The following ALOX5 variants were observed in gnomAD, a reference collection of about 807,000 sequenced individuals.
ALOX5 encodes arachidonate 5-lipoxygenase.
A neutral mutation model predicts 87.9 loss-of-function variants in ALOX5; 64 were observed. The ratio of observed to expected loss-of-function variants is 0.73; its 90% CI spans 0.60 to 0.90. The LOEUF is 0.90. Among genes scored for constraint, ALOX5 ranks in the 40% least tolerant of loss-of-function variants. ALOX5 has a pLI of 0.00. For missense variants in ALOX5, 822 were observed against 907.5 expected (o/e 0.91, Z 1.21); for synonymous variants, 388 against 355.1 (o/e 1.09, Z -1.04).
At chr10:45,400,373 G>A (rs1210985084) in intron 3 of ALOX5, among the ~76,000 whole-genome samples, 1 of 152,170 alleles carries the variant, frequency 6.6e-6, no homozygotes, top group Non-Finnish European at 1.5e-5. Flanking sequence ...GTTGAGACGG[G>A]CAGATCACTT....
At chr10:45,390,573 A>G (rs751284892) in intron 2 of ALOX5, among the ~76,000 whole-genome samples, 1 of 152,238 alleles carries the variant, frequency 6.6e-6, no homozygotes, top group African/African-American at 2.4e-5. Context: ...ACACTGAACA[A>G]CCTGCACCTG....
At chr10:45,419,779 G>A (rs1841437863) in intron 4 of ALOX5, among the ~76,000 whole-genome samples, 1 of 152,036 alleles carries the variant, frequency 6.6e-6, no homozygotes, top group Admixed American at 6.5e-5. Flanking sequence ...ATATCCCCCA[G>A]GCAAGGAAGG....
chr10:45,427,171 T>C (rs192695334), intron 6 of ALOX5, among the ~76,000 whole-genome samples: 61 of 152,302 alleles, frequency 4.0e-4, no homozygotes, highest in African/African-American at 1.2e-3. Flanking sequence ...TGGCCCCAAA[T>C]CTCAGGCCTC....
intron 1 of ALOX5, among the ~76,000 whole-genome samples, chr10:45,381,667 G>A (rs1839833918): frequency 6.6e-6 from 1 of 152,214 alleles, no homozygotes; most frequent in South Asian, 2.1e-4. Flanking sequence ...ATGAGCCTGG[G>A]CATCTCCCCA....
intron 1 of ALOX5, among the ~76,000 whole-genome samples, chr10:45,377,707 C>G (rs1163383201): frequency 6.6e-6 from 1 of 152,074 alleles, no homozygotes; most frequent in Admixed American, 6.5e-5. Context: ...AGTCCCCCTC[C>G]AAGATGGGTA....
chr10:45,413,886 T>C (rs1207074280), intron 4 of ALOX5, among the ~76,000 whole-genome samples: 2 of 152,144 alleles, frequency 1.3e-5, no homozygotes, highest in African/African-American at 4.8e-5. Flanking sequence ...TTACAAGGGA[T>C]GTGAAGGACC....
intron 3 of ALOX5, among the ~76,000 whole-genome samples, chr10:45,405,455 ATTG>A (rs1160588834): frequency 6.6e-6 from 1 of 151,896 alleles, no homozygotes; most frequent in Non-Finnish European, 1.5e-5. Context: ...TTTTTTCCCT[ATTG>A]TTCTTTCAAT....
intron 7 of ALOX5, among the ~76,000 whole-genome samples, chr10:45,438,748 C>A (rs769272729): frequency 3.9e-5 from 6 of 152,190 alleles, no homozygotes; most frequent in Non-Finnish European, 8.8e-5. Context: ...GTTCTGAGAC[C>A]TTCTAATTTT....
chr10:45,412,414 G>C, intron 4 of ALOX5, 101 bp downstream of exon 4: 1 of 1,486,756 alleles, frequency 6.7e-7, no homozygotes, highest in Non-Finnish European at 9.1e-7. Context: ...TGGGTTGGGG[G>C]AACAGCCTAG....
intron 4 of ALOX5, among the ~76,000 whole-genome samples, chr10:45,422,265 G>C (rs1477974442): frequency 1.3e-5 from 2 of 152,144 alleles, no homozygotes; most frequent in African/African-American, 4.8e-5. Flanking sequence ...TGTCCCATCA[G>C]CCAGGCTCTC....
intron 2 of ALOX5, among the ~76,000 whole-genome samples, chr10:45,389,021 A>T (rs188233691): frequency 6.6e-6 from 1 of 152,380 alleles, no homozygotes; most frequent in Non-Finnish European, 1.5e-5. Flanking sequence ...GCTGAAAAAC[A>T]TGGCACGAGA....
chr10:45,445,758 T>TGGA lies in ALOX5; in HGVS notation c.*72_*73insGAG. 1 of 1,533,534 alleles carries TGGA rather than the reference T, an allele frequency of 6.5e-7. No homozygotes were observed. Among genetic ancestry groups the TGGA allele is most frequent in the Non-Finnish European group, 8.9e-7 (1 of 1,123,262 alleles). 95.0% of individuals were successfully genotyped at this position (1,533,534 alleles called of 1,614,324 possible). ...ATGGACTCCAGCCTGCCTGGCAGGC[T>TGGA]GTCTGGCCAGGCCTCTTGGCAGTCA... On this transcript the variant is annotated 3_prime_UTR_variant, in exon 14 of 14. Transcript: ENST00000374391.
chr10:45,385,276 A>T (rs763072256), intron 2 of ALOX5, among the ~76,000 whole-genome samples: 4 of 152,036 alleles, frequency 2.6e-5, no homozygotes, highest in Admixed American at 6.5e-5. Context: ...ATATTTCACC[A>T]CTACACCTTG....
intron 12 of ALOX5, 58 bp from the exon 13 acceptor site, chr10:45,444,058 G>A (rs1842347483): frequency 2.7e-6 from 4 of 1,487,524 alleles, no homozygotes; most frequent in African/African-American, 1.4e-5. Flanking sequence ...GGGCCCAGGG[G>A]GCAGCTGGGC....
At chr10:45,411,190 T>C (rs972774191) in intron 3 of ALOX5, among the ~76,000 whole-genome samples, 2 of 152,238 alleles carry the variant, frequency 1.3e-5, no homozygotes, top group African/African-American at 4.8e-5. Flanking sequence ...TAATGAGTGG[T>C]GAGGATGAAC....
At chr10:45,443,994 A>C in intron 12 of ALOX5, 122 bp from the exon 13 acceptor site, 1 of 1,433,110 alleles carries the variant, frequency 7.0e-7, no homozygotes, top group Admixed American at 2.5e-5. Flanking sequence ...GCCGCGGGGA[A>C]AGAGGATGGA....
chr10:45,395,530 C>T (rs546250297), intron 2 of ALOX5, among the ~76,000 whole-genome samples: 1 of 151,930 alleles, frequency 6.6e-6, no homozygotes, highest in African/African-American at 2.4e-5. Context: ...GGGTGCAGCA[C>T]ACCAACATGA....
intron 10 of ALOX5, 85 bp from the exon 11 acceptor site, chr10:45,443,331 C>A (rs1842305355): frequency 1.9e-6 from 3 of 1,584,976 alleles, no homozygotes; most frequent in Non-Finnish European, 2.6e-6. Context: ...GTGGGGGAGT[C>A]CCAGCGTCCG....
chr10:45,395,737 G>A (rs888264531), intron 2 of ALOX5, 118 bp from the exon 3 acceptor site: 4 of 774,584 alleles, frequency 5.2e-6, no homozygotes, highest in Admixed American at 2.2e-5. Context: ...GCTCAAATGA[G>A]GTCATGCACA....
Sources: gnomAD v4.1 joint callset for allele counts (sites outside exome capture counted in the v4.1 genomes callset) on GRCh38, gnomAD v4.1.1 for gene constraint, MANE v1.5 for transcripts, NCBI Gene and HGNC (gene_info 2026-07-23, HGNC 2026-07-21) for gene names.